GPHN: variants seen among roughly 807,000 people sequenced by gnomAD.
GPHN encodes the protein gephyrin.
A neutral mutation model predicts 95.5 loss-of-function variants in GPHN; 17 were observed. The observed-to-expected ratio is 0.18, with a 90% CI of 0.12 to 0.27. The LOEUF (loss-of-function observed/expected upper bound fraction) is 0.27, where lower values mean the gene tolerates loss of function less well. Among genes scored for constraint, GPHN ranks in the 10% least tolerant of loss-of-function variants. GPHN has a pLI of 1.00. For missense variants in GPHN, 660 were observed against 978.1 expected (o/e 0.67, Z 4.34); for synonymous variants, 320 against 322.5 (o/e 0.99, Z 0.08).
the GPHN span, among the ~76,000 whole-genome samples, chr14:67,601,502 T>A: frequency 6.6e-6 from 1 of 152,116 alleles, no homozygotes; most frequent in African/African-American, 2.4e-5. Flanking sequence ...GAGCGGGAGA[T>A]GCAGAAGAAA....
chr14:67,409,941 C>T, the GPHN span, among the ~76,000 whole-genome samples: 1 of 152,106 alleles, frequency 6.6e-6, no homozygotes, highest in South Asian at 2.1e-4. Context: ...GTTCTGGGGC[C>T]CTATCCTTCA....
chr14:67,494,977 T>C, the GPHN span, among the ~76,000 whole-genome samples: 1 of 152,120 alleles, frequency 6.6e-6, no homozygotes, highest in Non-Finnish European at 1.5e-5. Flanking sequence ...ATAAAGCAAA[T>C]GGGGCAAAAT....
intron 1 of GPHN, among the ~76,000 whole-genome samples, chr14:66,530,575 G>A (rs2058881348): frequency 6.6e-6 from 1 of 152,162 alleles, no homozygotes; most frequent in African/African-American, 2.4e-5. Flanking sequence ...TTGAAACCCA[G>A]GGCCCTGGTG....
the GPHN span, among the ~76,000 whole-genome samples, chr14:67,351,172 A>G: frequency 1.3e-5 from 2 of 152,230 alleles, no homozygotes; most frequent in Admixed American, 1.3e-4. Context: ...CAATAAGGAA[A>G]TATTAATATA....
At chr14:67,244,865 C>G in the GPHN span, among the ~76,000 whole-genome samples, 3 of 152,128 alleles carry the variant, frequency 2.0e-5, no homozygotes, top group African/African-American at 7.2e-5. Context: ...GGTTGCTAAT[C>G]AGATGACTTT....
At chr14:67,479,659 C>T in the GPHN span, among the ~76,000 whole-genome samples, 2 of 151,800 alleles carry the variant, frequency 1.3e-5, no homozygotes, top group Non-Finnish European at 1.5e-5. Context: ...CGGAGGTTGC[C>T]GTGAGCCGAG....
At chr14:66,630,341 A>G (rs1263033980) in intron 1 of GPHN, among the ~76,000 whole-genome samples, 3 of 152,170 alleles carry the variant, frequency 2.0e-5, no homozygotes, top group Admixed American at 1.3e-4. Context: ...ATCCTGAAAT[A>G]AAAAGAATCT....
At chr14:66,827,160 C>G (rs2061415833) in intron 4 of GPHN, among the ~76,000 whole-genome samples, 1 of 152,040 alleles carries the variant, frequency 6.6e-6, no homozygotes, top group South Asian at 2.1e-4. Context: ...TGGCACACGC[C>G]TGTAATCCCA....
At chr14:67,505,818 T>C in the GPHN span, among the ~76,000 whole-genome samples, 1 of 152,224 alleles carries the variant, frequency 6.6e-6, no homozygotes, top group Middle Eastern at 3.4e-3. Flanking sequence ...GCAATTCTCC[T>C]GCATCAGCCT....
In GPHN at chr14:66,867,042, T is replaced by C. The variant is rs538156920; in HGVS notation, c.295-12897T>C. Among the ~76,000 whole-genome samples, 43 of 152,272 alleles carry C rather than the reference T, an allele frequency of 2.8e-4. No homozygotes were observed. In the East Asian group the frequency reaches 3.1e-3, roughly 11 times the overall value. On this transcript the variant is annotated intron_variant, in intron 4 of 22. Coordinates refer to ENST00000478722, the MANE Select transcript of GPHN (RefSeq NM_020806.5). ...GACCTTTCATCACAACCAGATCTTATTTAAATATTGTACAATTTGAACTGA... is the reference window on the plus strand; with the variant it reads ...GACCTTTCATCACAACCAGATCTTACTTAAATATTGTACAATTTGAACTGA...
At chr14:67,062,356 C>T (rs998476644) in intron 11 of GPHN, among the ~76,000 whole-genome samples, 2 of 152,202 alleles carry the variant, frequency 1.3e-5, no homozygotes, top group Non-Finnish European at 1.5e-5. Flanking sequence ...TATGAAATTA[C>T]AAATACTTTG....
chr14:67,122,189 T>G (rs1192841397), intron 16 of GPHN, 67 bp from the exon 17 acceptor site: 1 of 1,543,630 alleles, frequency 6.5e-7, no homozygotes, highest in Admixed American at 1.7e-5. Context: ...TAGTAGATTT[T>G]TTTTTCATTA....
intron 3 of GPHN, among the ~76,000 whole-genome samples, chr14:66,821,138 G>A (rs948667802): frequency 1.3e-5 from 2 of 152,092 alleles, no homozygotes; most frequent in Non-Finnish European, 2.9e-5. Flanking sequence ...GGATCTAACA[G>A]GTGCAGAAAC....
intron 2 of GPHN, among the ~76,000 whole-genome samples, chr14:66,725,210 G>A (rs1158243867): frequency 6.6e-6 from 1 of 152,134 alleles, no homozygotes; most frequent in Non-Finnish European, 1.5e-5. Flanking sequence ...TTGGACTTTT[G>A]TTATGTAATC....
intron 9 of GPHN, among the ~76,000 whole-genome samples, chr14:67,019,300 A>G (rs1445929350): frequency 6.6e-6 from 1 of 152,214 alleles, no homozygotes; most frequent in Non-Finnish European, 1.5e-5. Context: ...AGCTAAACAG[A>G]AACTTAATTT....
chr14:67,583,685 A>AC, the GPHN span: 1 of 1,427,068 alleles, frequency 7.0e-7, no homozygotes, highest in Non-Finnish European at 9.7e-7. Flanking sequence ...AACAGCCCCC[A>AC]CCTGGCCCAT....
chr14:67,533,108 C>T, the GPHN span, among the ~76,000 whole-genome samples: 1 of 152,176 alleles, frequency 6.6e-6, no homozygotes. Context: ...AGAGCTGAGC[C>T]CAGCGCTCTG....
chr14:66,885,484 G>T (rs750615371), intron 5 of GPHN, among the ~76,000 whole-genome samples: 2 of 151,968 alleles, frequency 1.3e-5, no homozygotes, highest in Admixed American at 6.6e-5. Flanking sequence ...AGACAGAATG[G>T]GTAATTAAGG....
At chr14:67,689,705 A>T in the GPHN span, among the ~76,000 whole-genome samples, 1 of 152,190 alleles carries the variant, frequency 6.6e-6, no homozygotes, top group African/African-American at 2.4e-5. Flanking sequence ...GCACTCTGGG[A>T]GGCCAAGGTG....
Sources: allele counts gnomAD v4.1 joint callset (sites outside exome capture counted in the v4.1 genomes callset), GRCh38; gene constraint gnomAD v4.1.1; transcripts MANE v1.5; gene names NCBI Gene and HGNC (gene_info 2026-07-23, HGNC 2026-07-21).